The following NOL11 variants were observed in gnomAD, a reference collection of about 807,000 sequenced individuals.
NOL11 encodes the protein nucleolar protein 11.
In NOL11, 42 loss-of-function variants were observed where a neutral mutation model predicts 93.0. The ratio of observed to expected loss-of-function variants is 0.45; its 90% CI spans 0.35 to 0.58. The LOEUF (loss-of-function observed/expected upper bound fraction) is 0.58, where lower values mean the gene tolerates loss of function less well. Ranked by LOEUF, NOL11 falls within the 20% of genes least tolerant of loss-of-function variation. The pLI is 0.00. For missense variants in NOL11, 775 were observed against 841.8 expected (o/e 0.92, Z 0.98); for synonymous variants, 296 against 293.7 (o/e 1.01, Z -0.08).
chr17:67,722,695 T>A, intron 5 of NOL11, 58 bp downstream of exon 5: 2 of 1,511,970 alleles, frequency 1.3e-6, no homozygotes, highest in East Asian at 2.5e-5. Context: ...AAAAAAAAAA[T>A]TTATTTAGAG....
In NOL11 at chr17:67,743,907, A is replaced by T; in HGVS notation, c.*48A>T. 1.0e-6 allele frequency: 1 copy of T among 970,436 alleles called. No homozygotes were observed. The highest frequency in any genetic ancestry group is 1.6e-6 in the Non-Finnish European group (1 of 639,838). The allele number at this position is 970,436 out of a possible 1,614,324, so 60.1% of individuals were successfully genotyped here. ...ACATTTTATAAAGCTCTTTTATGTG[A>T]ACTCTTGCTTCATCCAGGCAAGAAC... On this transcript the variant is annotated 3_prime_UTR_variant, in exon 18 of 18. Coordinates refer to ENST00000253247, the MANE Select transcript of NOL11 (RefSeq NM_015462.5).
Position 67,735,811 on chromosome 17 carries a change from G to A in NOL11, c.931-89G>A. 4 of 912,328 alleles carry A rather than the reference G, an allele frequency of 4.4e-6. No homozygotes were observed. The South Asian group carries it at 9.5e-5, about 22-fold the overall frequency. 56.5% of individuals were successfully genotyped at this position (912,328 alleles called of 1,614,324 possible). A position where few individuals can be genotyped will look rare whatever the true frequency, so the allele number is the denominator to read the frequency against. Reference sequence around the variant, plus strand: ...TACTTTGCCTCGTTTTTAATACTGAGCACTTATACAGTGAGTGATAAGGCT... The same window carrying A: ...TACTTTGCCTCGTTTTTAATACTGAACACTTATACAGTGAGTGATAAGGCT... On this transcript the variant is annotated intron_variant, in intron 8 of 17. Coordinates refer to ENST00000253247, the MANE Select transcript of NOL11 (RefSeq NM_015462.5).
Position 67,722,637 on chromosome 17 carries a change from A to G in NOL11, c.519A>G (p.Lys173=), listed in dbSNP as rs779386627. Residue 173 remains lysine (K), a splice_region_variant and synonymous_variant, in exon 5 of 18, where the codon AAA becomes AAG. Coordinates refer to ENST00000253247, the MANE Select transcript of NOL11 (RefSeq NM_015462.5). ...RHPVLIFITE[K]HGNYFAYVQM... is the part of the protein sequence containing the mutation. ...CTGTTTTAATTTTTATTACTGAAAA[A>G]GTAAGTGATATCTTCAATTCCTGGC... 70 of 1,569,330 alleles carry G rather than the reference A, an allele frequency of 4.5e-5. No homozygotes were observed. The highest frequency in any genetic ancestry group is 5.8e-5 in the Non-Finnish European group (68 of 1,167,004).
intron 1 of NOL11, 45 bp downstream of exon 1, chr17:67,718,133 CT>C (rs756273597): frequency 1.3e-6 from 2 of 1,594,468 alleles, no homozygotes; most frequent in Admixed American, 3.5e-5. Flanking sequence ...CTTCTCGCCC[CT>C]TTCTGAGCGC....
chr17:67,729,665 G>GC (rs1420112737), intron 7 of NOL11, among the ~76,000 whole-genome samples: 3 of 151,470 alleles, frequency 2.0e-5, no homozygotes, highest in African/African-American at 7.3e-5. Context: ...TGCAAGCTCC[G>GC]CCCCCCGGGT....
chr17:67,718,145 G>A, intron 1 of NOL11, 57 bp downstream of exon 1: 1 of 1,587,534 alleles, frequency 6.3e-7, no homozygotes, highest in South Asian at 1.1e-5. Flanking sequence ...TTCTGAGCGC[G>A]GAGCTCGAGC....
At chr17:67,730,540 G>A (rs1439191141) in intron 7 of NOL11, among the ~76,000 whole-genome samples, 2 of 152,214 alleles carry the variant, frequency 1.3e-5, no homozygotes, top group Non-Finnish European at 2.9e-5. Flanking sequence ...GATTACAGGC[G>A]TGAGCCACTG....
intron 7 of NOL11, among the ~76,000 whole-genome samples, chr17:67,732,510 T>A (rs2055163233): frequency 6.7e-6 from 1 of 150,160 alleles, no homozygotes; most frequent in South Asian, 2.1e-4. Flanking sequence ...AAAAAAAAAA[T>A]TATTCCTAGG....
Position 67,738,108 on chromosome 17 carries a change from A to C in NOL11, c.1530-14A>C. On this transcript the variant is annotated splice_polypyrimidine_tract_variant and intron_variant, in intron 13 of 17. Transcript: ENST00000253247. ...TGATAAGGATTAACCTCTTGCTTTC[A>C]ACTACCATCATAGCATTGGTGATGA... 7 of 1,587,216 alleles carry C rather than the reference A, an allele frequency of 4.4e-6. No homozygotes were observed. Among genetic ancestry groups the C allele is most frequent in the Non-Finnish European group, 6.0e-6 (7 of 1,160,658 alleles).
chr17:67,734,513 G>A (rs561968187), intron 8 of NOL11, 74 bp downstream of exon 8: 7 of 903,962 alleles, frequency 7.7e-6, no homozygotes, highest in South Asian at 2.8e-5. Flanking sequence ...GTTTTGAGAT[G>A]GGGCCTCACT....
intron 16 of NOL11, among the ~76,000 whole-genome samples, chr17:67,741,096 G>C (rs763358870): frequency 1.3e-5 from 2 of 150,984 alleles, no homozygotes; most frequent in African/African-American, 2.5e-5. Context: ...TTGAGACGGA[G>C]TCTCGCTCTG....
chr17:67,721,122 G>T (rs971279207), intron 3 of NOL11, among the ~76,000 whole-genome samples: 11 of 152,198 alleles, frequency 7.2e-5, no homozygotes, highest in African/African-American at 2.4e-5. Context: ...CTAACCTCTA[G>T]TAGTCACAAC....
intron 7 of NOL11, 125 bp downstream of exon 7, chr17:67,726,773 C>CA (rs1170782364): frequency 1.4e-6 from 1 of 714,646 alleles, no homozygotes; most frequent in Non-Finnish European, 2.1e-6. Context: ...TCAGCATACT[C>CA]AATTTTTTTT....
chr17:67,734,106 TCTTG>T (rs2055179137), intron 7 of NOL11, among the ~76,000 whole-genome samples: 1 of 152,108 alleles, frequency 6.6e-6, no homozygotes, highest in African/African-American at 2.4e-5. Context: ...AGCCATCTGG[TCTTG>T]GGCTTTTCTT....
intron 7 of NOL11, among the ~76,000 whole-genome samples, chr17:67,728,440 A>C (rs550118702): frequency 1.3e-5 from 2 of 152,278 alleles, no homozygotes; most frequent in Admixed American, 1.3e-4. Context: ...CTAGGATTCA[A>C]CCCGAACAGG....
rs534145039 is a variant in NOL11, at chr17:67,726,773, C to T, written c.853+125C>T. ...AATTCATTCTCTTTATCAGCATACT[C>T]AATTTTTTTTGTGCCTTCCTAATTC... On this transcript the variant is annotated intron_variant, in intron 7 of 17. Coordinates refer to ENST00000253247, the MANE Select transcript of NOL11 (RefSeq NM_015462.5). The T allele has an allele frequency of 2.9e-5, 21 of 714,766 alleles. No homozygotes were observed. The African/African-American group carries it at 3.7e-4, about 13-fold the overall frequency. 44.3% of individuals were successfully genotyped at this position (714,766 alleles called of 1,614,324 possible).
In NOL11 at chr17:67,739,566, T is replaced by C. The variant is rs752630382; in HGVS notation, c.1893T>C (p.Ala631=). 3 of 1,601,826 alleles carry C rather than the reference T, an allele frequency of 1.9e-6. No homozygotes were observed. In the African/African-American group the frequency reaches 4.0e-5, roughly 22 times the overall value. Residue 631 remains alanine, a synonymous_variant, in exon 16 of 18, where the codon GCT becomes GCC. Transcript: ENST00000253247. Reference sequence around the variant, plus strand: ...TGTACCTGAAGTGTAGCGAAAATGCTACTATGACTCTTCCTGGAATACACC... The same window carrying C: ...TGTACCTGAAGTGTAGCGAAAATGCCACTATGACTCTTCCTGGAATACACC... ...YFLYLKCSEN[A]TMTLPGIHPP... is the part of the protein sequence containing the mutation.
intron 1 of NOL11, among the ~76,000 whole-genome samples, chr17:67,718,843 T>A (rs765565062): frequency 3.3e-5 from 5 of 152,240 alleles, no homozygotes; most frequent in African/African-American, 7.2e-5. Flanking sequence ...GTTTTGACTC[T>A]GCTAACTCTA....
chr17:67,723,488 AAGCG>A (rs1237998322), intron 5 of NOL11, among the ~76,000 whole-genome samples: 2 of 137,568 alleles, frequency 1.5e-5, no homozygotes, highest in Non-Finnish European at 3.0e-5. Context: ...TCCTGGGTTC[AAGCG>A]ATTCTCCTGT....
Sources: gnomAD v4.1 joint callset for allele counts (sites outside exome capture counted in the v4.1 genomes callset) on GRCh38, gnomAD v4.1.1 for gene constraint, MANE v1.5 for transcripts, NCBI Gene and HGNC (gene_info 2026-07-23, HGNC 2026-07-21) for gene names.